The following PLEKHS1 variants were observed in gnomAD, a reference collection of about 807,000 sequenced individuals.
PLEKHS1 encodes the protein pleckstrin homology domain containing S1.
Under a neutral mutation model 51.0 loss-of-function variants are expected in PLEKHS1, and 55 were observed. That is an observed-to-expected ratio of 1.08 (90% confidence interval 0.87 to 1.35). The LOEUF (loss-of-function observed/expected upper bound fraction) is 1.35, where lower values mean the gene tolerates loss of function less well. Ranked by LOEUF, PLEKHS1 falls within the 40% of genes most tolerant of loss-of-function variation. PLEKHS1 has a pLI of 0.00. For synonymous variants in PLEKHS1, 153 were observed against 144.8 expected (o/e 1.06, Z -0.41); for missense variants, 398 against 423.0 (o/e 0.94, Z 0.52).
At chr10:113,766,186 G>A (rs559295780) in intron 2 of PLEKHS1, among the ~76,000 whole-genome samples, 1 of 152,340 alleles carries the variant, frequency 6.6e-6, no homozygotes, top group Non-Finnish European at 1.5e-5. Context: ...ACAGGTGTGA[G>A]CTGAATTAAC....
chr10:113,769,917 C>G lies in PLEKHS1; in HGVS notation c.552+17C>G. The G allele has an allele frequency of 6.4e-7, 1 of 1,562,152 alleles. No individual in the cohort carries two copies. The highest frequency in any genetic ancestry group is 8.8e-7 in the Non-Finnish European group (1 of 1,132,822). On this transcript the variant is annotated intron_variant, in intron 7 of 11. Transcript: ENST00000361048. ...CAAGACAAGGTAATGGGGCTCACTTCTTTCTCAGGACACCACACCTGGGAG... is the reference window on the plus strand; with the variant it reads ...CAAGACAAGGTAATGGGGCTCACTTGTTTCTCAGGACACCACACCTGGGAG...
At chr10:113,777,443 T>C in intron 11 of PLEKHS1, 184 bp downstream of exon 12, 1 of 1,605,272 alleles carries the variant, frequency 6.2e-7, no homozygotes. Context: ...TCAAGTAGCA[T>C]TTGGAGAAGG....
chr10:113,772,070 C>T, exon 8 of PLEKHS1: 1 of 1,612,708 alleles, frequency 6.2e-7, no homozygotes, highest in Non-Finnish European at 8.5e-7. Flanking sequence ...TATCTTACTC[C>T]TCGAAGTGTT....
At chr10:113,755,154 C>T (rs1854047553) in intron 1 of PLEKHS1, 105 bp from the exon 2 acceptor site, 1 of 1,282,644 alleles carries the variant, frequency 7.8e-7, no homozygotes, top group Non-Finnish European at 1.1e-6. Flanking sequence ...CCCATCTCAG[C>T]AACATTCGTG....
Position 113,756,479 on chromosome 10 carries a change from C to A in PLEKHS1, c.28+1174C>A, listed in dbSNP as rs186648221. Among the ~76,000 whole-genome samples, 56 of 152,098 alleles carry A rather than the reference C, an allele frequency of 3.7e-4. No homozygotes were observed. The South Asian group carries it at 5.8e-3, about 16-fold the overall frequency. On this transcript the variant is annotated intron_variant, in intron 2 of 11. Coordinates refer to ENST00000361048, the Ensembl canonical transcript of PLEKHS1. ...CTGTCTCAAAAAAATAAAATAAATT[C>A]TTGTCAAGAACTTAAACACATGCAA... is the stretch of plus-strand genomic sequence containing the variant.
rs1009258097 is a variant in PLEKHS1, at chr10:113,765,269, C to A, written c.29-1142C>A. 7.3e-5 allele frequency: 48 copies of A among 659,856 alleles called. No individual in the cohort carries two copies. The Admixed American group carries it at 1.0e-3, about 14-fold the overall frequency. The allele number at this position is 659,856 out of a possible 1,614,324, so 40.9% of individuals were successfully genotyped here. ...CATGATTTTTTAGGTGGGTTTGGAG[C>A]AGTGCTCAGTGTAGAACTAGTAATT... On this transcript the variant is annotated intron_variant, in intron 2 of 11. Transcript: ENST00000361048.
intron 8 of PLEKHS1, 90 bp downstream of exon 8, chr10:113,772,179 G>T: frequency 7.1e-7 from 1 of 1,401,360 alleles, no homozygotes. Flanking sequence ...ATTAGGCTAT[G>T]GTCAGTGGGA....
chr10:113,775,774 C>T (rs150370425), exon 11 of PLEKHS1: 27 of 1,611,654 alleles, frequency 1.7e-5, no homozygotes, highest in Middle Eastern at 1.6e-4. Flanking sequence ...GTAATATCCC[C>T]GATGAAAGCC....
intron 2 of PLEKHS1, 22 bp from the exon 3 acceptor site, chr10:113,766,389 G>A (rs1844162309): frequency 7.1e-7 from 1 of 1,402,604 alleles, no homozygotes; most frequent in African/African-American, 1.4e-5. Context: ...GGAACAAACT[G>A]AGTTCTGTTC....
rs181950548 is a variant in PLEKHS1, at chr10:113,774,205, C to T, written c.673-22C>T. 295 of 1,433,772 alleles carry T rather than the reference C, an allele frequency of 2.1e-4. 2 individuals are homozygous for T. The East Asian group carries it at 5.6e-3, about 27-fold the overall frequency. 88.8% of individuals were successfully genotyped at this position (1,433,772 alleles called of 1,614,324 possible). A position where few individuals can be genotyped will look rare whatever the true frequency, so the allele number is the denominator to read the frequency against. On this transcript the variant is annotated intron_variant, in intron 8 of 11. Transcript: ENST00000361048. The stretch of plus-strand genomic sequence containing the variant: ...ACTTATCGGTAAACTGGGATTCTTA[C>T]ATCTATTCCTTTTATCTGCAGTTGG...
At chr10:113,772,909 T>C (rs1488698330) in intron 8 of PLEKHS1, among the ~76,000 whole-genome samples, 3 of 152,124 alleles carry the variant, frequency 2.0e-5, no homozygotes, top group Non-Finnish European at 4.4e-5. Context: ...GGCTTCTGAG[T>C]TGGGAAATCT....
chr10:113,775,087 C>T (rs1403893773), intron 10 of PLEKHS1, 52 bp downstream of exon 10: 2 of 1,468,124 alleles, frequency 1.4e-6, no homozygotes, highest in Non-Finnish European at 1.9e-6. Flanking sequence ...AGGCAGCCTC[C>T]CTCCCACTTT....
Position 113,755,577 on chromosome 10 carries a change from G to A in PLEKHS1, c.28+272G>A, listed in dbSNP as rs149550272. Among the ~76,000 whole-genome samples, 372 of 152,126 alleles carry A rather than the reference G, an allele frequency of 2.4e-3. 1 individual carries two copies. The highest frequency in any genetic ancestry group is 8.2e-3 in the African/African-American group (342 of 41,494). On this transcript the variant is annotated intron_variant, in intron 2 of 11. Transcript: ENST00000361048. Reference sequence around the variant, plus strand: ...ATGCCACCATGCCTGCCTAATTTTCGTATTTTTAGTAGAGACGGGGTTTCT... The same window carrying A: ...ATGCCACCATGCCTGCCTAATTTTCATATTTTTAGTAGAGACGGGGTTTCT...
At chr10:113,782,861 T>C (rs1844898279), downstream of PLEKHS1, 1 of 152,202 alleles carries the variant, frequency 6.6e-6, no homozygotes, top group Non-Finnish European at 1.5e-5. Context: ...GTTTCTACTT[T>C]TATAAATTTA....
chr10:113,775,832 T>G, exon 11 of PLEKHS1: 1 of 1,613,120 alleles, frequency 6.2e-7, no homozygotes. Flanking sequence ...TGTCATCAAC[T>G]ATCTTGCTCT....
chr10:113,774,851 T>C (rs1844574094), exon 10 of PLEKHS1: 1 of 1,613,846 alleles, frequency 6.2e-7, no homozygotes, highest in Admixed American at 1.7e-5. Flanking sequence ...ATCCCATGAG[T>C]CTGTGGATAG....
At chr10:113,779,904 T>C (rs970792324) in intron 11 of PLEKHS1, among the ~76,000 whole-genome samples, 4 of 152,224 alleles carry the variant, frequency 2.6e-5, no homozygotes, top group Non-Finnish European at 4.4e-5. Context: ...AAAATTCCCT[T>C]ACTTTCCCAC....
intron 2 of PLEKHS1, among the ~76,000 whole-genome samples, chr10:113,758,581 G>C (rs994685225): frequency 6.6e-6 from 1 of 152,130 alleles, no homozygotes; most frequent in Admixed American, 6.5e-5. Context: ...AAGGGCCTTA[G>C]GATTTTCTAG....
chr10:113,760,506 A>C (rs1408887284), intron 2 of PLEKHS1, among the ~76,000 whole-genome samples: 1 of 152,146 alleles, frequency 6.6e-6, no homozygotes, highest in South Asian at 2.1e-4. Flanking sequence ...TAGCCATCCT[A>C]GTGAGCATGA....
Sources: allele counts gnomAD v4.1 joint callset (sites outside exome capture counted in the v4.1 genomes callset), GRCh38; gene constraint gnomAD v4.1.1; transcripts MANE v1.5; gene names NCBI Gene and HGNC (gene_info 2026-07-23, HGNC 2026-07-21).